SSH2: variants seen among roughly 807,000 people sequenced by gnomAD.
SSH2 encodes slingshot protein phosphatase 2.
Under a neutral mutation model 135.2 loss-of-function variants are expected in SSH2, and 37 were observed. The ratio of observed to expected loss-of-function variants is 0.27; its 90% CI spans 0.21 to 0.36. The LOEUF (loss-of-function observed/expected upper bound fraction) is 0.36, where lower values mean the gene tolerates loss of function less well. SSH2 is among the 10% of genes least tolerant of loss of function. SSH2 has a pLI of 1.00. For synonymous variants in SSH2, 628 were observed against 646.2 expected, an observed-to-expected ratio of 0.97 and a Z score of 0.43; for missense variants, 1,408 against 1,765.3, an observed-to-expected ratio of 0.80 and a Z score of 3.63.
intron 11 of SSH2, among the ~76,000 whole-genome samples, chr17:29,660,226 C>T (rs1051820344): frequency 1.3e-4 from 19 of 151,472 alleles, no homozygotes; most frequent in Middle Eastern, 3.5e-3. Flanking sequence ...GACTGCCCTT[C>T]CTACTGTGGG....
At chr17:29,808,381 G>A (rs1438255487) in intron 2 of SSH2, among the ~76,000 whole-genome samples, 3 of 152,116 alleles carry the variant, frequency 2.0e-5, no homozygotes, top group African/African-American at 7.2e-5. Context: ...CGCCCGCCTC[G>A]GCCTCCCAAA....
intron 1 of SSH2, among the ~76,000 whole-genome samples, chr17:29,926,419 T>G (rs2067066455): frequency 6.6e-6 from 1 of 151,512 alleles, no homozygotes; most frequent in African/African-American, 2.4e-5. Flanking sequence ...CCAGGTGTGA[T>G]GGTGCGTGCC....
At chr17:29,791,824 A>G (rs150684649) in intron 3 of SSH2, among the ~76,000 whole-genome samples, 1 of 152,192 alleles carries the variant, frequency 6.6e-6, no homozygotes, top group African/African-American at 2.4e-5. Flanking sequence ...TCCTCTTGTG[A>G]ATAGAAGAAG....
At chr17:29,719,053 C>T (rs1598871437) in intron 3 of SSH2, among the ~76,000 whole-genome samples, 1 of 152,070 alleles carries the variant, frequency 6.6e-6, no homozygotes, top group African/African-American at 2.4e-5. Context: ...GGGGACTATA[C>T]AAGGATAGCA....
chr17:29,686,283 G>A (rs2038215766), intron 5 of SSH2, among the ~76,000 whole-genome samples: 1 of 152,100 alleles, frequency 6.6e-6, no homozygotes, highest in African/African-American at 2.4e-5. Context: ...GTAGAAGAGA[G>A]AGACATGATC....
intron 1 of SSH2, among the ~76,000 whole-genome samples, chr17:29,907,162 C>T (rs1171123978): frequency 2.0e-5 from 3 of 152,132 alleles, no homozygotes; most frequent in African/African-American, 4.8e-5. Flanking sequence ...ACATACATAC[C>T]ATGGAATACT....
At chr17:29,795,467 AAG>A (rs2042140821) in intron 2 of SSH2, among the ~76,000 whole-genome samples, 1 of 152,216 alleles carries the variant, frequency 6.6e-6, no homozygotes, top group Non-Finnish European at 1.5e-5. Flanking sequence ...CTTTGCATAT[AAG>A]AGAGAGGTTT....
At chr17:29,669,881 C>CTTTT (rs571124019) in intron 9 of SSH2, among the ~76,000 whole-genome samples, 10 of 133,032 alleles carry the variant, frequency 7.5e-5, no homozygotes, top group Non-Finnish European at 1.1e-4. Flanking sequence ...CTAATAAAAT[C>CTTTT]TTTTTTTTTT....
intron 15 of SSH2, among the ~76,000 whole-genome samples, chr17:29,635,102 C>T (rs2035844138): frequency 6.6e-6 from 1 of 152,054 alleles, no homozygotes; most frequent in South Asian, 2.1e-4. Context: ...CAGGGTTTCA[C>T]CATGTTGGTC....
intron 3 of SSH2, among the ~76,000 whole-genome samples, chr17:29,757,656 C>T (rs1000409161): frequency 6.9e-6 from 1 of 145,580 alleles, no homozygotes; most frequent in Non-Finnish European, 1.5e-5. Flanking sequence ...TTTGGGAGGC[C>T]AAGGCAGGAG....
chr17:29,839,161 C>T (rs1417480881), intron 2 of SSH2: 1 of 152,286 alleles, frequency 6.6e-6, no homozygotes, highest in Non-Finnish European at 1.5e-5. Flanking sequence ...GGGCTGATGT[C>T]ATACCAAGCC....
intron 5 of SSH2, among the ~76,000 whole-genome samples, chr17:29,685,886 T>C (rs1366826369): frequency 6.6e-6 from 1 of 151,706 alleles, no homozygotes; most frequent in Admixed American, 6.6e-5. Context: ...TTCGCTCTTG[T>C]TGCTCAGGCT....
intron 2 of SSH2, among the ~76,000 whole-genome samples, chr17:29,840,855 T>C (rs1398847262): frequency 1.3e-5 from 2 of 152,196 alleles, no homozygotes; most frequent in Admixed American, 6.6e-5. Flanking sequence ...TCCCATTTTA[T>C]AGATAGGGGA....
intron 2 of SSH2, among the ~76,000 whole-genome samples, chr17:29,843,425 T>A (rs968717141): frequency 6.6e-6 from 1 of 151,946 alleles, no homozygotes; most frequent in Non-Finnish European, 1.5e-5. Flanking sequence ...GCATGGGTGG[T>A]GCATGCCTGT....
chr17:29,844,533 G>C (rs2043098299), intron 2 of SSH2, among the ~76,000 whole-genome samples: 1 of 152,198 alleles, frequency 6.6e-6, no homozygotes, highest in South Asian at 2.1e-4. Flanking sequence ...AGTGCCTGTT[G>C]CAGTCACTAG....
intron 7 of SSH2, 108 bp downstream of exon 7, chr17:29,677,565 A>G (rs945032422): frequency 5.7e-6 from 5 of 883,854 alleles, no homozygotes; most frequent in African/African-American, 3.3e-5. Context: ...TGTTGACATG[A>G]AAGTTCAGTT....
Position 29,626,524 on chromosome 17 carries a change from G to A in SSH2, c.*4317C>T, listed in dbSNP as rs555975665. ...AAATGCCTCTTAAGGGATCTTCAAGGTGATTAAGGATGATTCCAGTTTAGA... is the reference window on the plus strand; with the variant it reads ...AAATGCCTCTTAAGGGATCTTCAAGATGATTAAGGATGATTCCAGTTTAGA... On this transcript the variant is annotated 3_prime_UTR_variant, in exon 16 of 16. Transcript: ENST00000540801. 6.5e-6 allele frequency: 1 copy of A among 152,746 alleles called. No individual in the cohort carries two copies. Among genetic ancestry groups the A allele is most frequent in the African/African-American group, 2.4e-5 (1 of 41,550 alleles). 9.5% of individuals were successfully genotyped at this position (152,746 alleles called of 1,614,324 possible). A position where few individuals can be genotyped will look rare whatever the true frequency, so the allele number is the denominator to read the frequency against.
chr17:29,644,575 G>A (rs1034904161), intron 14 of SSH2, among the ~76,000 whole-genome samples: 11 of 152,148 alleles, frequency 7.2e-5, no homozygotes, highest in South Asian at 4.1e-4. Flanking sequence ...TTGGGAGGCC[G>A]AGGCAGGCAG....
chr17:29,709,041 GA>G, intron 3 of SSH2, among the ~76,000 whole-genome samples: 1 of 147,566 alleles, frequency 6.8e-6, no homozygotes, highest in African/African-American at 2.5e-5. Context: ...GAGAGAGAGA[GA>G]GAGAGAGAGA....
Sources: gnomAD v4.1 joint callset for allele counts (sites outside exome capture counted in the v4.1 genomes callset) on GRCh38, gnomAD v4.1.1 for gene constraint, MANE v1.5 for transcripts, NCBI Gene and HGNC (gene_info 2026-07-23, HGNC 2026-07-21) for gene names.